The following TRPA1 variants were observed in gnomAD, a reference collection of about 807,000 sequenced individuals.
The protein encoded by TRPA1 is transient receptor potential cation channel subfamily A member 1.
Under a neutral mutation model 131.3 loss-of-function variants are expected in TRPA1, and 129 were observed. The ratio of observed to expected loss-of-function variants is 0.98; its 90% CI spans 0.85 to 1.14. The LOEUF (loss-of-function observed/expected upper bound fraction) is 1.14, where lower values mean the gene tolerates loss of function less well. TRPA1 is among the 50% of genes most tolerant of loss of function. The pLI, the probability that TRPA1 is intolerant of heterozygous loss-of-function variation, is 0.00. For missense variants in TRPA1, 1,304 were observed against 1,354.2 expected (o/e 0.96, Z 0.58); for synonymous variants, 441 against 451.7 (o/e 0.98, Z 0.30).
At chr8:72,055,298 T>G in intron 12 of TRPA1, 138 bp downstream of exon 12, 1 of 727,498 alleles carries the variant, frequency 1.4e-6, no homozygotes, top group South Asian at 1.9e-5. Context: ...TTACATATGT[T>G]TTGATGAAAA....
At position 72,062,781 on chromosome 8, in the gene TRPA1, T is replaced by C. The variant is rs1220885065; in HGVS notation, c.807+18A>G. 3 of 1,612,590 alleles carry C rather than the reference T, an allele frequency of 1.9e-6. No homozygotes were observed. Among genetic ancestry groups the C allele is most frequent in the East Asian group, 2.2e-5 (1 of 44,866 alleles). On this transcript the variant is annotated intron_variant, in intron 6 of 26. Transcript: ENST00000262209. Reference sequence around the variant, plus strand: ...ACAACTCTAAGATAAAAGTGTTATATAGAATATGAAGAGTTACCTCCACTG... The same window carrying C: ...ACAACTCTAAGATAAAAGTGTTATACAGAATATGAAGAGTTACCTCCACTG...
Position 72,050,100 on chromosome 8 carries a change from C to A in TRPA1, c.1905+678G>T, listed in dbSNP as rs6998483. ...TAATGCTATCACTCCCCTCTCCCCC[C>A]ACCCCACGACAGGCCCCGGTGTGTG... On this transcript the variant is annotated intron_variant, in intron 15 of 26. Transcript: ENST00000262209. 9.2e-5 allele frequency among the ~76,000 whole-genome samples: 14 copies of A among 152,178 alleles called. No homozygotes were observed. The East Asian group carries it at 1.4e-3, about 15-fold the overall frequency.
intron 23 of TRPA1, among the ~76,000 whole-genome samples, chr8:72,033,164 C>A (rs923130640): frequency 1.3e-5 from 2 of 152,200 alleles, no homozygotes; most frequent in Non-Finnish European, 2.9e-5. Context: ...ATGGTAAGTT[C>A]GAGCATAGAG....
chr8:72,053,738 G>A lies in TRPA1; in HGVS notation c.1644+15C>T, dbSNP rs3735942. 558,780 of 1,586,502 alleles carry A rather than the reference G, an allele frequency of 0.35. 102,778 individuals are homozygous for A. Among genetic ancestry groups the A allele is most frequent in the Admixed American group, 0.59 (35,236 of 59,530 alleles). On this transcript the variant is annotated intron_variant, in intron 13 of 26. Coordinates refer to ENST00000262209, the MANE Select transcript of TRPA1 (RefSeq NM_007332.3). ...TATTGAGATTTTGGGTAAGCATGAG[G>A]ACCGCAGTACATACCCCGTCTTCAT...
intron 12 of TRPA1, chr8:72,055,109 G>A: frequency 3.1e-6 from 1 of 318,966 alleles, no homozygotes; most frequent in Non-Finnish European, 5.9e-6. Context: ...TAGGAATATG[G>A]CAGCATGATG....
At position 72,052,504 on chromosome 8, in the gene TRPA1, C is replaced by T. The variant is rs1805534489; in HGVS notation, c.1811+95G>A. 3 of 1,516,720 alleles carry T rather than the reference C, an allele frequency of 2.0e-6. No individual in the cohort carries two copies. In the Admixed American group the frequency reaches 5.0e-5, roughly 26 times the overall value. 94.0% of individuals were successfully genotyped at this position (1,516,720 alleles called of 1,614,324 possible). Reference sequence around the variant, plus strand: ...TGATATTTTAAATTTTGATTAATGGCTGAAAATCATTTCTTTTCTCTTATT... The same window carrying T: ...TGATATTTTAAATTTTGATTAATGGTTGAAAATCATTTCTTTTCTCTTATT... On this transcript the variant is annotated intron_variant, in intron 14 of 26. Transcript: ENST00000262209.
In TRPA1 at chr8:72,056,010, T is replaced by C. The variant is rs569198619; in HGVS notation, c.1195-155A>G. The C allele has an allele frequency of 4.9e-4, 339 of 698,752 alleles. 2 individuals carry two copies. The South Asian group carries it at 5.8e-3, about 12-fold the overall frequency. The allele number at this position is 698,752 out of a possible 1,614,324, so 43.3% of individuals were successfully genotyped here. A position where few individuals can be genotyped will look rare whatever the true frequency, so the allele number is the denominator to read the frequency against. On this transcript the variant is annotated intron_variant, in intron 10 of 26. Coordinates refer to ENST00000262209, the MANE Select transcript of TRPA1 (RefSeq NM_007332.3). ...TAACCTAAAGGATTTGAGAGTAATATAAATATGAATGAAGTTGAATGCTCT... is the reference window on the plus strand; with the variant it reads ...TAACCTAAAGGATTTGAGAGTAATACAAATATGAATGAAGTTGAATGCTCT...
chr8:72,083,753 C>CA, the TRPA1 span, among the ~76,000 whole-genome samples: 1 of 151,072 alleles, frequency 6.6e-6, no homozygotes, highest in Non-Finnish European at 1.5e-5. Flanking sequence ...AAAACAAAAA[C>CA]AAAAAACGAA....
intron 26 of TRPA1, chr8:72,023,419 G>C (rs993314212): frequency 1.0e-5 from 5 of 478,208 alleles, no homozygotes; most frequent in African/African-American, 9.8e-5. Flanking sequence ...TAGTTGAATA[G>C]GGGTTTGAAC....
intron 15 of TRPA1, among the ~76,000 whole-genome samples, chr8:72,048,472 T>C (rs1484981387): frequency 6.6e-6 from 1 of 152,100 alleles, no homozygotes; most frequent in Non-Finnish European, 1.5e-5. Flanking sequence ...TAGATAGCAG[T>C]ACTGGAGGTC....
intron 14 of TRPA1, among the ~76,000 whole-genome samples, chr8:72,051,527 C>G (rs1181411392): frequency 6.6e-6 from 1 of 152,112 alleles, no homozygotes; most frequent in Non-Finnish European, 1.5e-5. Context: ...TAAAACCCAT[C>G]TAGTATATCT....
At chr8:72,039,635 A>G in intron 18 of TRPA1, 92 bp downstream of exon 18, 2 of 903,536 alleles carry the variant, frequency 2.2e-6, no homozygotes, top group Non-Finnish European at 3.6e-6. Context: ...AAGCTAAAAC[A>G]TTAAAATACC....
chr8:72,029,802 A>T (rs1811742714), intron 24 of TRPA1, 99 bp downstream of exon 24: 1 of 1,089,572 alleles, frequency 9.2e-7, no homozygotes, highest in Non-Finnish European at 1.4e-6. Flanking sequence ...TAACTGGCAT[A>T]TTCCTACAAA....
At chr8:72,050,216 A>G (rs571595513) in intron 15 of TRPA1, among the ~76,000 whole-genome samples, 1 of 152,214 alleles carries the variant, frequency 6.6e-6, no homozygotes, top group African/African-American at 2.4e-5. Context: ...TCCTTGTGAC[A>G]GTTTGCTCAG....
chr8:72,027,619 A>ATT (rs1366908796), intron 24 of TRPA1, among the ~76,000 whole-genome samples: 1 of 152,142 alleles, frequency 6.6e-6, no homozygotes, highest in Non-Finnish European at 1.5e-5. Flanking sequence ...CCCAGCATGC[A>ATT]TTGTCCCAAG....
rs917656449 is a variant in TRPA1 at position 72,046,589 on chromosome 8, T to C, written c.1985A>G (p.Tyr662Cys). ...GGTGAATTCTAATGGACATTGAAGA[T>C]ATTTGAAATTATACTCGATCTGTAG... ...RDYYIEYNFK[Y>C]LQCPLEFTKK... The change falls in exon 17 of 27, where the codon TAT becomes TGT. Residue 662 changes from tyrosine (Y) to cysteine (C), a missense_variant. By Grantham distance (194) the Tyr-to-Cys change is radical (BLOSUM62 -2). Transcript: ENST00000262209. 2 of 1,585,490 alleles carry C rather than the reference T, an allele frequency of 1.3e-6. No individual in the cohort carries two copies. The highest frequency in any genetic ancestry group is 1.7e-6 in the Non-Finnish European group (2 of 1,157,274).
In TRPA1 at chr8:72,058,820, G is replaced by A. The variant is rs1002232779; in HGVS notation, c.993+570C>T. On this transcript the variant is annotated intron_variant, in intron 8 of 26. Coordinates refer to ENST00000262209, the MANE Select transcript of TRPA1 (RefSeq NM_007332.3). ...TCATTGCTGATATGGTGCAGCTTACGTAAATTCACCATACATTCATCCGTA... is the reference window on the plus strand; with the variant it reads ...TCATTGCTGATATGGTGCAGCTTACATAAATTCACCATACATTCATCCGTA... Among the ~76,000 whole-genome samples, 13 of 152,266 alleles carry A rather than the reference G, an allele frequency of 8.5e-5. No homozygotes were observed. The East Asian group carries it at 9.6e-4, about 11-fold the overall frequency.
chr8:72,050,011 G>A (rs1052964703), intron 15 of TRPA1, among the ~76,000 whole-genome samples: 19 of 151,858 alleles, frequency 1.3e-4, no homozygotes, highest in African/African-American at 4.6e-4. Context: ...TTTGTTACAT[G>A]TATACATGAG....
chr8:72,027,359 G>A (rs544341116), intron 24 of TRPA1, among the ~76,000 whole-genome samples: 10 of 152,134 alleles, frequency 6.6e-5, no homozygotes, highest in Non-Finnish European at 1.5e-4. Context: ...TGGCACCACT[G>A]GGCTCAGGGA....
Sources: allele counts gnomAD v4.1 joint callset (sites outside exome capture counted in the v4.1 genomes callset), GRCh38; gene constraint gnomAD v4.1.1; transcripts MANE v1.5; gene names NCBI Gene and HGNC (gene_info 2026-07-23, HGNC 2026-07-21).